The following CHRM2 variants were observed in gnomAD, a reference collection of about 807,000 sequenced individuals.
CHRM2 encodes the protein cholinergic receptor muscarinic 2.
CHRM2 carries 8 observed loss-of-function variants against 25.0 expected under a neutral mutation model. That is an observed-to-expected ratio of 0.32 (90% CI 0.19 to 0.58). CHRM2 has a LOEUF of 0.58. CHRM2 is among the 20% of genes least tolerant of loss of function. CHRM2 has a pLI of 0.88. For missense variants in CHRM2, 440 were observed against 567.1 expected (o/e 0.78, Z 2.28); for synonymous variants, 202 against 205.7 (o/e 0.98, Z 0.15).
chr7:136,946,516 C>T (rs1417851439), intron 2 of CHRM2, among the ~76,000 whole-genome samples: 1 of 152,088 alleles, frequency 6.6e-6, no homozygotes, highest in Non-Finnish European at 1.5e-5. Flanking sequence ...TCTCAATAAA[C>T]CGTACTCCTT....
At position 137,018,941 on chromosome 7, in the gene CHRM2, A is replaced by G. The variant is rs1805309328; in HGVS notation, c.*2675A>G. The G allele has an allele frequency of 6.6e-6, 1 of 151,932 alleles. No individual in the cohort carries two copies. The highest frequency in any genetic ancestry group is 2.4e-5 in the African/African-American group (1 of 41,426). The allele number at this position is 151,932 out of a possible 1,614,324, so 9.4% of individuals were successfully genotyped here. A position where few individuals can be genotyped will look rare whatever the true frequency, so the allele number is the denominator to read the frequency against. On this transcript the variant is annotated 3_prime_UTR_variant, in exon 4 of 4. Coordinates refer to ENST00000680005, the MANE Select transcript of CHRM2 (RefSeq NM_001006630.2). ...ACAGAGACAATTCCCCTCTCCCCGA[A>G]AGGGGACACTTAGCAATGTGTAAAG...
intron 3 of CHRM2, among the ~76,000 whole-genome samples, chr7:137,004,069 T>G (rs2131079665): frequency 6.6e-6 from 1 of 152,252 alleles, no homozygotes; most frequent in South Asian, 2.1e-4. Context: ...CATAGCACTC[T>G]GAGAATGGAC....
At chr7:136,945,096 T>C (rs1365430162) in intron 2 of CHRM2, among the ~76,000 whole-genome samples, 1 of 152,122 alleles carries the variant, frequency 6.6e-6, no homozygotes, top group East Asian at 1.9e-4. Flanking sequence ...TTTTTTCTTC[T>C]TGATTTGAGT....
At chr7:136,884,950 T>C (rs192405388) in intron 2 of CHRM2, among the ~76,000 whole-genome samples, 122 of 152,274 alleles carry the variant, frequency 8.0e-4, no homozygotes, top group Non-Finnish European at 4.3e-4. Context: ...TTTTTCTGTT[T>C]GTTTGGTTGT....
At chr7:136,878,785 A>G (rs149146938) in intron 2 of CHRM2, among the ~76,000 whole-genome samples, 49 of 152,052 alleles carry the variant, frequency 3.2e-4, no homozygotes, top group Non-Finnish European at 6.3e-4. Flanking sequence ...AAGAGTGAGT[A>G]TGTGGCTCAG....
rs2131144450 is a variant in CHRM2, at chr7:137,019,088, A to G, written c.*2822A>G. The G allele has an allele frequency of 6.6e-6, 1 of 151,990 alleles. No homozygotes were observed. The highest frequency in any genetic ancestry group is 2.0e-4 in the East Asian group (1 of 5,128). 9.4% of individuals were successfully genotyped at this position (151,990 alleles called of 1,614,324 possible). Reference sequence around the variant, plus strand: ...CCCCCAACCCCTTTAAACAAATATTATTTGGCTCAAAATGTCAATAGTTCC... The same window carrying G: ...CCCCCAACCCCTTTAAACAAATATTGTTTGGCTCAAAATGTCAATAGTTCC... On this transcript the variant is annotated 3_prime_UTR_variant, in exon 4 of 4. Coordinates refer to ENST00000680005, the MANE Select transcript of CHRM2 (RefSeq NM_001006630.2).
chr7:136,938,230 TG>T, intron 2 of CHRM2: 1 of 780,834 alleles, frequency 1.3e-6, no homozygotes, highest in Non-Finnish European at 2.3e-6. Flanking sequence ...CCTTTGTTAC[TG>T]AATCTTTAGC....
intron 2 of CHRM2, among the ~76,000 whole-genome samples, chr7:136,981,346 A>C (rs889102793): frequency 6.6e-6 from 1 of 152,002 alleles, no homozygotes; most frequent in Non-Finnish European, 1.5e-5. Context: ...CTTGTTTATT[A>C]GTCTGGCTAG....
At chr7:136,972,581 T>C (rs1801847409) in intron 2 of CHRM2, among the ~76,000 whole-genome samples, 1 of 152,222 alleles carries the variant, frequency 6.6e-6, no homozygotes, top group Admixed American at 6.5e-5. Flanking sequence ...TTGATAGTTC[T>C]GTCAAATGAG....
chr7:137,016,431 A>C lies in CHRM2; in HGVS notation c.*165A>C, dbSNP rs1229278008. 4.2e-6 allele frequency: 3 copies of C among 720,164 alleles called. No homozygotes were observed. Among genetic ancestry groups the C allele is most frequent in the Non-Finnish European group, 7.0e-6 (3 of 429,418 alleles). The allele number at this position is 720,164 out of a possible 1,614,324, so 44.6% of individuals were successfully genotyped here. On this transcript the variant is annotated 3_prime_UTR_variant, in exon 4 of 4. Coordinates refer to ENST00000680005, the MANE Select transcript of CHRM2 (RefSeq NM_001006630.2). ...GACACACTTATCACGCCTAGGCTCC[A>C]GTTTGCAAAAATTGCACCTTATAAA...
intron 2 of CHRM2, among the ~76,000 whole-genome samples, chr7:136,889,004 C>T (rs1034324399): frequency 8.7e-5 from 12 of 137,950 alleles, no homozygotes; most frequent in Non-Finnish European, 1.4e-4. Flanking sequence ...GCCGAGATCG[C>T]GCCACTGCAC....
intron 2 of CHRM2, chr7:136,938,634 T>G: frequency 1.2e-6 from 1 of 841,926 alleles, no homozygotes; most frequent in Non-Finnish European, 2.0e-6. Context: ...CTCGAGGAGC[T>G]CATGCGGGCA....
At chr7:136,978,963 C>T (rs1802297433) in intron 2 of CHRM2, among the ~76,000 whole-genome samples, 2 of 152,020 alleles carry the variant, frequency 1.3e-5, no homozygotes, top group African/African-American at 4.8e-5. Context: ...TGGGTATATA[C>T]CCAATAATGG....
At chr7:136,967,493 A>G (rs1158601834) in intron 2 of CHRM2, among the ~76,000 whole-genome samples, 1 of 152,068 alleles carries the variant, frequency 6.6e-6, no homozygotes, top group Non-Finnish European at 1.5e-5. Context: ...AGTCCAAAAT[A>G]TTGACTAACC....
intron 3 of CHRM2, among the ~76,000 whole-genome samples, chr7:137,013,742 C>T (rs1006828889): frequency 2.6e-5 from 4 of 151,938 alleles, no homozygotes; most frequent in African/African-American, 2.4e-5. Context: ...ACAAGAAGTG[C>T]ATTCAGGTTT....
chr7:136,915,772 A>G (rs74923989), intron 2 of CHRM2, among the ~76,000 whole-genome samples: 4,182 of 151,944 alleles, frequency 0.028, 187 homozygotes, highest in African/African-American at 0.094. Flanking sequence ...ACCTCAGTGA[A>G]TTCAGTATAT....
chr7:136,921,407 G>C (rs575072350), intron 2 of CHRM2, among the ~76,000 whole-genome samples: 1 of 152,070 alleles, frequency 6.6e-6, no homozygotes. Context: ...CAGCTTACAT[G>C]ATCTCTTAAA....
Position 136,961,094 on chromosome 7 carries a change from C to T in CHRM2, c.-124-31093C>T, listed in dbSNP as rs141011884. Among the ~76,000 whole-genome samples the T allele has an allele frequency of 4.4e-3, 673 of 151,822 alleles. 8 individuals are homozygous for T. Among genetic ancestry groups the T allele is most frequent in the African/African-American group, 0.015 (630 of 41,338 alleles). On this transcript the variant is annotated intron_variant, in intron 2 of 3. Transcript: ENST00000680005. ...GAGCCAAGATGGCGCCACTGCACTC[C>T]GGCCTGGACGACAGAGCTAGACTTC...
At chr7:136,955,539 T>C (rs1311295116) in intron 2 of CHRM2, among the ~76,000 whole-genome samples, 1 of 152,200 alleles carries the variant, frequency 6.6e-6, no homozygotes, top group Non-Finnish European at 1.5e-5. Context: ...ATGAGCTCTG[T>C]ATCCATGGCC....
Sources: allele counts gnomAD v4.1 joint callset (sites outside exome capture counted in the v4.1 genomes callset), GRCh38; gene constraint gnomAD v4.1.1; transcripts MANE v1.5; gene names NCBI Gene and HGNC (gene_info 2026-07-23, HGNC 2026-07-21).